The following PTPRD variants were observed in gnomAD, a reference collection of about 807,000 sequenced individuals.
The protein encoded by PTPRD is protein tyrosine phosphatase receptor type D.
A neutral mutation model predicts 214.5 loss-of-function variants in PTPRD; 34 were observed. The ratio of observed to expected loss-of-function variants is 0.16; its 90% CI spans 0.12 to 0.21. PTPRD has a LOEUF of 0.21. Ranked by LOEUF, PTPRD falls within the 10% of genes least tolerant of loss-of-function variation. The probability of loss-of-function intolerance (pLI) is 1.00; values close to 1 mark genes in which losing one functional copy is unlikely to be tolerated. For synonymous variants in PTPRD, 1,128 were observed against 845.7 expected (o/e 1.33, Z -5.79); for missense variants, 2,545 against 2,398.7 (o/e 1.06, Z -1.27).
Position 8,521,471 on chromosome 9 carries a change from G to C in PTPRD, c.767C>G (p.Thr256Ser), listed in dbSNP as rs773122478. 6.2e-7 allele frequency: 1 copy of C among 1,614,024 alleles called. No individual in the cohort carries two copies. The highest frequency in any genetic ancestry group is 1.1e-5 in the South Asian group (1 of 91,082). ...CATTGGTGACCCCACGGCCACACAG[G>C]TGATATTAACGCTTCCGCCTGGCAT... ...EIMPGGSVNI[T>S]CVAVGSPMPY... Residue 256 changes from threonine to serine, a missense_variant, in exon 20 of 46, where the codon ACC becomes AGC. Thr to Ser is a moderately conservative substitution (Grantham distance 58). Transcript: ENST00000381196.
chr9:9,521,574 T>A (rs2096973268), intron 8 of PTPRD, among the ~76,000 whole-genome samples: 1 of 152,158 alleles, frequency 6.6e-6, no homozygotes, highest in Non-Finnish European at 1.5e-5. Flanking sequence ...AGCAAGTAAC[T>A]CTGCATACAT....
At chr9:9,205,839 C>A (rs2099944548) in intron 9 of PTPRD, among the ~76,000 whole-genome samples, 1 of 152,138 alleles carries the variant, frequency 6.6e-6, no homozygotes, top group Non-Finnish European at 1.5e-5. Flanking sequence ...ATAATGTCAT[C>A]CCCTCATGGT....
At chr9:10,445,150 G>C (rs187915370) in intron 2 of PTPRD, among the ~76,000 whole-genome samples, 3 of 151,912 alleles carry the variant, frequency 2.0e-5, no homozygotes, top group Admixed American at 6.6e-5. Context: ...AGAGCATAAA[G>C]GTACAAGAAA....
At chr9:10,280,354 T>A (rs576999549) in intron 3 of PTPRD, among the ~76,000 whole-genome samples, 23 of 134,530 alleles carry the variant, frequency 1.7e-4, no homozygotes, top group Middle Eastern at 3.5e-3. Flanking sequence ...TTTAAATACA[T>A]AAACACCACA....
intron 4 of PTPRD, among the ~76,000 whole-genome samples, chr9:9,996,903 T>G (rs867515873): frequency 3.9e-5 from 6 of 152,178 alleles, no homozygotes; most frequent in Admixed American, 3.9e-4. Context: ...TTATATTAGA[T>G]TAAATATCCA....
chr9:9,255,788 G>T (rs964998404), intron 9 of PTPRD, among the ~76,000 whole-genome samples: 1 of 151,902 alleles, frequency 6.6e-6, no homozygotes, highest in Non-Finnish European at 1.5e-5. Flanking sequence ...ACAAGATCCG[G>T]GACTTTTTTC....
intron 30 of PTPRD, among the ~76,000 whole-genome samples, chr9:8,481,245 A>C (rs556135098): frequency 6.6e-6 from 1 of 151,814 alleles, no homozygotes; most frequent in African/African-American, 2.4e-5. Flanking sequence ...CTTTTCACTG[A>C]ATTTATTTTA....
chr9:8,677,641 G>T (rs942483245), intron 12 of PTPRD, among the ~76,000 whole-genome samples: 3 of 152,130 alleles, frequency 2.0e-5, no homozygotes, highest in Non-Finnish European at 4.4e-5. Context: ...GAACCAATCT[G>T]CACATGTACC....
chr9:10,360,902 G>A lies in PTPRD; in HGVS notation c.-599-19885C>T, dbSNP rs150716215. Among the ~76,000 whole-genome samples, 938 of 152,074 alleles carry A rather than the reference G, an allele frequency of 6.2e-3. 8 individuals are homozygous for A. The highest frequency in any genetic ancestry group is 9.6e-3 in the Non-Finnish European group (652 of 67,986). Reference sequence around the variant, plus strand: ...CAGATCGCGAGGTCAGGAGATCGAGGCCATCCTGGCTAACACGATGAAACC... The same window carrying A: ...CAGATCGCGAGGTCAGGAGATCGAGACCATCCTGGCTAACACGATGAAACC... On this transcript the variant is annotated intron_variant, in intron 2 of 45. Coordinates refer to ENST00000381196, the MANE Select transcript of PTPRD (RefSeq NM_002839.4).
intron 10 of PTPRD, among the ~76,000 whole-genome samples, chr9:9,044,565 A>G (rs2099665179): frequency 6.6e-6 from 1 of 152,210 alleles, no homozygotes; most frequent in Non-Finnish European, 1.5e-5. Flanking sequence ...GGGCAAGTGT[A>G]AAAAGAGTGG....
chr9:8,911,931 A>G (rs76715690), intron 11 of PTPRD, among the ~76,000 whole-genome samples: 2,877 of 152,304 alleles, frequency 0.019, 96 homozygotes, highest in African/African-American at 0.065. Context: ...CATTAGATAA[A>G]TGCCCATTAA....
At chr9:9,700,356 A>G (rs186273894) in intron 7 of PTPRD, among the ~76,000 whole-genome samples, 8 of 152,254 alleles carry the variant, frequency 5.3e-5, no homozygotes, top group Admixed American at 5.2e-4. Context: ...CACACAATGA[A>G]CAACAGCAAT....
chr9:10,511,852 CTGTGTG>C (rs201439443), intron 2 of PTPRD, among the ~76,000 whole-genome samples: 45 of 107,152 alleles, frequency 4.2e-4, no homozygotes, highest in African/African-American at 1.4e-3. Flanking sequence ...ATATACATAT[CTGTGTG>C]TGTGTGTGTG....
chr9:10,355,746 G>A (rs946619744), intron 2 of PTPRD, among the ~76,000 whole-genome samples: 1 of 151,948 alleles, frequency 6.6e-6, no homozygotes, highest in Non-Finnish European at 1.5e-5. Flanking sequence ...CCAAAGCGCT[G>A]GGATTACAGG....
At chr9:10,208,432 T>G (rs2099496595) in intron 3 of PTPRD, among the ~76,000 whole-genome samples, 1 of 152,174 alleles carries the variant, frequency 6.6e-6, no homozygotes, top group Admixed American at 6.5e-5. Flanking sequence ...GAGAAGGGCG[T>G]GAACCCGGGA....
Position 9,287,736 on chromosome 9 carries a change from A to C in PTPRD, c.-202-104373T>G, listed in dbSNP as rs1431400958. ...AAACATATCAGTTGAATAGGAGCACAGAAGATATTTCTGAGAAACACATTT... is the reference window on the plus strand; with the variant it reads ...AAACATATCAGTTGAATAGGAGCACCGAAGATATTTCTGAGAAACACATTT... On this transcript the variant is annotated intron_variant, in intron 9 of 45. Transcript: ENST00000381196. Among the ~76,000 whole-genome samples the C allele has an allele frequency of 2.0e-5, 3 of 151,930 alleles. No homozygotes were observed. The East Asian group carries it at 5.9e-4, about 30-fold the overall frequency.
intron 11 of PTPRD, among the ~76,000 whole-genome samples, chr9:8,751,985 G>T (rs10977277): frequency 6.6e-6 from 1 of 151,974 alleles, no homozygotes; most frequent in Non-Finnish European, 1.5e-5. Context: ...CGTTGTGTGC[G>T]TCTGACCCTG....
chr9:8,506,280 T>A (rs2097541598), intron 22 of PTPRD, among the ~76,000 whole-genome samples: 1 of 152,172 alleles, frequency 6.6e-6, no homozygotes, highest in African/African-American at 2.4e-5. Context: ...CTAAGAGGCA[T>A]AATAAAATGA....
chr9:9,744,272 T>A (rs1596524740), intron 6 of PTPRD, among the ~76,000 whole-genome samples: 1 of 152,114 alleles, frequency 6.6e-6, no homozygotes, highest in East Asian at 1.9e-4. Context: ...TACCTTTCCT[T>A]TGGAGGGAAA....
Sources: gnomAD v4.1 joint callset for allele counts (sites outside exome capture counted in the v4.1 genomes callset) on GRCh38, gnomAD v4.1.1 for gene constraint, MANE v1.5 for transcripts, NCBI Gene and HGNC (gene_info 2026-07-23, HGNC 2026-07-21) for gene names.